CDH13: variants seen among roughly 807,000 people sequenced by gnomAD.
The protein encoded by CDH13 is cadherin 13, also known as cadherin-13.
A neutral mutation model predicts 63.8 loss-of-function variants in CDH13; 24 were observed. The observed-to-expected ratio is 0.38, with a 90% CI of 0.27 to 0.53. The LOEUF is 0.53. Among genes scored for constraint, CDH13 ranks in the 20% least tolerant of loss-of-function variants. The probability of loss-of-function intolerance (pLI) is 0.85; values close to 1 mark genes in which losing one functional copy is unlikely to be tolerated. For missense variants in CDH13, 1,049 were observed against 903.1 expected (o/e 1.16, Z -2.07); for synonymous variants, 503 against 355.3 (o/e 1.42, Z -4.67).
chr16:83,097,861 C>A (rs192291377), intron 3 of CDH13, among the ~76,000 whole-genome samples: 3 of 152,136 alleles, frequency 2.0e-5, no homozygotes, highest in Non-Finnish European at 4.4e-5. Context: ...AGACCACATT[C>A]CACAAAGAAG....
intron 4 of CDH13, among the ~76,000 whole-genome samples, chr16:83,155,881 A>G (rs1203125318): frequency 1.3e-5 from 2 of 152,248 alleles, no homozygotes; most frequent in Admixed American, 1.3e-4. Flanking sequence ...TTGAGCTTCC[A>G]AAAGCTTCAA....
chr16:82,941,629 C>T (rs962182204), intron 2 of CDH13, among the ~76,000 whole-genome samples: 1 of 152,138 alleles, frequency 6.6e-6, no homozygotes, highest in African/African-American at 2.4e-5. Context: ...GAATATTAAA[C>T]ACGGCTATTC....
chr16:82,883,932 C>G (rs1597895678), intron 2 of CDH13, among the ~76,000 whole-genome samples: 1 of 152,152 alleles, frequency 6.6e-6, no homozygotes, highest in African/African-American at 2.4e-5. Flanking sequence ...AATGCCTGTT[C>G]ATGAGCAAGT....
At chr16:82,935,060 A>C (rs1022177160) in intron 2 of CDH13, among the ~76,000 whole-genome samples, 9 of 152,116 alleles carry the variant, frequency 5.9e-5, no homozygotes, top group African/African-American at 1.7e-4. Flanking sequence ...GTCTATTCTC[A>C]CACTGCTACA....
Position 83,076,784 on chromosome 16 carries a change from T to C in CDH13, c.366+44566T>C, listed in dbSNP as rs1279520950. 2.0e-5 allele frequency among the ~76,000 whole-genome samples: 3 copies of C among 152,180 alleles called. No individual in the cohort carries two copies. In the East Asian group the frequency reaches 5.8e-4, roughly 29 times the overall value. On this transcript the variant is annotated intron_variant, in intron 3 of 13. Coordinates refer to ENST00000567109, the MANE Select transcript of CDH13 (RefSeq NM_001257.5). The stretch of plus-strand genomic sequence containing the variant: ...GAATTCAATATTTGCTTTTGGTTAT[T>C]TTCTTCTTCAGAGGAAAATTTACAT...
At chr16:83,032,643 G>A (rs1054677415) in intron 3 of CDH13, among the ~76,000 whole-genome samples, 3 of 152,098 alleles carry the variant, frequency 2.0e-5, no homozygotes, top group Non-Finnish European at 4.4e-5. Flanking sequence ...TCTTCAAGAC[G>A]ATGCTAGCAA....
chr16:82,852,630 C>T (rs1597802321), intron 1 of CDH13, among the ~76,000 whole-genome samples: 1 of 152,304 alleles, frequency 6.6e-6, no homozygotes, highest in East Asian at 1.9e-4. Flanking sequence ...ATCTCAATGA[C>T]AGTTCTTATA....
At chr16:83,326,479 G>C (rs2090365651) in intron 5 of CDH13, among the ~76,000 whole-genome samples, 1 of 151,250 alleles carries the variant, frequency 6.6e-6, no homozygotes, top group South Asian at 2.1e-4. Context: ...AACTCTATGG[G>C]AGTACAATAT....
At chr16:83,542,312 G>A (rs896573703) in intron 7 of CDH13, among the ~76,000 whole-genome samples, 1 of 152,160 alleles carries the variant, frequency 6.6e-6, no homozygotes, top group African/African-American at 2.4e-5. Flanking sequence ...AATGTAATGT[G>A]CAGCCAGGAT....
chr16:82,918,667 C>A (rs1451194954), intron 2 of CDH13, among the ~76,000 whole-genome samples: 4 of 152,056 alleles, frequency 2.6e-5, no homozygotes, highest in Admixed American at 1.3e-4. Context: ...CACTGCCACG[C>A]CTGGCTAATT....
intron 5 of CDH13, among the ~76,000 whole-genome samples, chr16:83,258,124 G>C (rs1344002394): frequency 1.3e-5 from 2 of 152,140 alleles, no homozygotes; most frequent in Non-Finnish European, 1.5e-5. Context: ...TTATTTGGGG[G>C]CTATTTCTGA....
At chr16:83,025,839 G>C (rs553343617) in intron 2 of CDH13, among the ~76,000 whole-genome samples, 1 of 152,290 alleles carries the variant, frequency 6.6e-6, no homozygotes, top group South Asian at 2.1e-4. Flanking sequence ...TATAATGTAA[G>C]GTCCTGGTTC....
chr16:83,210,081 T>G (rs1363831885), intron 4 of CDH13, among the ~76,000 whole-genome samples: 2 of 150,894 alleles, frequency 1.3e-5, no homozygotes, highest in Non-Finnish European at 3.0e-5. Flanking sequence ...GTTTGTTTGT[T>G]TGAGACAGAG....
At chr16:83,694,418 G>C (rs1905184664) in intron 10 of CDH13, among the ~76,000 whole-genome samples, 1 of 152,196 alleles carries the variant, frequency 6.6e-6, no homozygotes, top group Admixed American at 6.5e-5. Context: ...GGGATGCTAT[G>C]AGGGATGATA....
chr16:82,902,521 A>AT (rs2041504694), intron 2 of CDH13, among the ~76,000 whole-genome samples: 1 of 151,844 alleles, frequency 6.6e-6, no homozygotes, highest in Admixed American at 6.6e-5. Flanking sequence ...ATTAATTCTC[A>AT]TTTTCTTTCT....
intron 8 of CDH13, among the ~76,000 whole-genome samples, chr16:83,610,695 G>C (rs1031542885): frequency 2.6e-5 from 4 of 152,128 alleles, no homozygotes; most frequent in African/African-American, 4.8e-5. Context: ...ATATATTTCA[G>C]TTTACTCCTT....
At chr16:82,696,150 C>A (rs1231842973) in intron 1 of CDH13, among the ~76,000 whole-genome samples, 1 of 152,142 alleles carries the variant, frequency 6.6e-6, no homozygotes, top group East Asian at 1.9e-4. Flanking sequence ...CTGATGAAAT[C>A]TTTAGTTTGC....
At chr16:82,772,939 C>A (rs1002158243) in intron 1 of CDH13, among the ~76,000 whole-genome samples, 2 of 152,024 alleles carry the variant, frequency 1.3e-5, no homozygotes, top group Non-Finnish European at 2.9e-5. Flanking sequence ...TGGGAGTAAC[C>A]TAATTTTACG....
intron 1 of CDH13, among the ~76,000 whole-genome samples, chr16:82,803,552 T>C (rs1189649461): frequency 6.6e-6 from 1 of 152,216 alleles, no homozygotes; most frequent in Non-Finnish European, 1.5e-5. Flanking sequence ...AATGTTCCTG[T>C]AGTCGCTCTA....
Sources: allele counts gnomAD v4.1 joint callset (sites outside exome capture counted in the v4.1 genomes callset), GRCh38; gene constraint gnomAD v4.1.1; transcripts MANE v1.5; gene names NCBI Gene and HGNC (gene_info 2026-07-23, HGNC 2026-07-21).